PCDH15: variants seen among roughly 807,000 people sequenced by gnomAD.
The protein encoded by PCDH15 is protocadherin-15.
In PCDH15, 129 loss-of-function variants were observed where a neutral mutation model predicts 178.5. The observed-to-expected ratio is 0.72, with a 90% CI of 0.63 to 0.84. The LOEUF (loss-of-function observed/expected upper bound fraction) is 0.84, where lower values mean the gene tolerates loss of function less well. Among genes scored for constraint, PCDH15 ranks in the 40% least tolerant of loss-of-function variants. The pLI, the probability that PCDH15 is intolerant of heterozygous loss-of-function variation, is 0.00. For missense variants in PCDH15, 2,230 were observed against 2,099.9 expected (o/e 1.06, Z -1.21); for synonymous variants, 800 against 732.0 (o/e 1.09, Z -1.50).
chr10:54,065,014 G>T (rs1260658228), intron 18 of PCDH15, among the ~76,000 whole-genome samples: 2 of 152,196 alleles, frequency 1.3e-5, no homozygotes, highest in African/African-American at 4.8e-5. Flanking sequence ...TGTAGCTGGT[G>T]TCTTTGCAGT....
chr10:54,491,388 A>T (rs2079576889), intron 3 of PCDH15, among the ~76,000 whole-genome samples: 1 of 152,054 alleles, frequency 6.6e-6, no homozygotes, highest in African/African-American at 2.4e-5. Context: ...ACAGTTAACA[A>T]CTGGAAAATT....
At chr10:54,297,262 A>C (rs2059859637) in intron 8 of PCDH15, among the ~76,000 whole-genome samples, 1 of 152,128 alleles carries the variant, frequency 6.6e-6, no homozygotes, top group South Asian at 2.1e-4. Flanking sequence ...ATGCATCCTA[A>C]GCCATTGGGA....
chr10:54,661,053 C>G (rs1454852747), intron 2 of PCDH15, among the ~76,000 whole-genome samples: 1 of 151,856 alleles, frequency 6.6e-6, no homozygotes, highest in Non-Finnish European at 1.5e-5. Context: ...TCTCAGCAAT[C>G]AGGCAAGGAA....
rs111780006 is a variant in PCDH15 at position 54,034,955 on chromosome 10, G to A, written c.2221-11758C>T. Among the ~76,000 whole-genome samples the A allele has an allele frequency of 3.2e-3, 486 of 151,708 alleles. 2 individuals are homozygous for A. Among genetic ancestry groups the A allele is most frequent in the African/African-American group, 0.011 (460 of 41,418 alleles). On this transcript the variant is annotated intron_variant, in intron 18 of 37. Coordinates refer to ENST00000644397, the MANE Select transcript of PCDH15 (RefSeq NM_001384140.1). ...TTATTAACATCCTTTTTTCTTTCTG[G>A]TAAAGGTAAAATAAGCCAGATTGGA...
chr10:55,576,263 A>C (rs1842495634), intron 2 of PCDH15, among the ~76,000 whole-genome samples: 1 of 152,194 alleles, frequency 6.6e-6, no homozygotes. Context: ...AAATGTTACT[A>C]AGTAAATCAT....
intron 13 of PCDH15, among the ~76,000 whole-genome samples, chr10:54,169,006 C>A (rs917837337): frequency 2.6e-5 from 4 of 152,158 alleles, no homozygotes; most frequent in Non-Finnish European, 4.4e-5. Context: ...TCCTCCAGAA[C>A]CTCCTCCCAC....
At chr10:55,323,948 C>T (rs1358934863), upstream of PCDH15, among the ~76,000 whole-genome samples, 1 of 151,990 alleles carries the variant, frequency 6.6e-6, no homozygotes, top group Non-Finnish European at 1.5e-5. Context: ...AAGGATGGGG[C>T]CAGGTGGGGA....
intron 20 of PCDH15, among the ~76,000 whole-genome samples, chr10:54,013,571 G>A (rs1375674399): frequency 6.6e-6 from 1 of 151,916 alleles, no homozygotes; most frequent in East Asian, 1.9e-4. Flanking sequence ...CTCTGAACAT[G>A]GTGCAATAAA....
At position 55,486,406 on chromosome 10, in the gene PCDH15, C is replaced by G. The variant is rs552350470; in HGVS notation, c.-156+141219G>C. 3.3e-5 allele frequency among the ~76,000 whole-genome samples: 5 copies of G among 151,512 alleles called. No individual in the cohort carries two copies. The East Asian group carries it at 9.7e-4, about 30-fold the overall frequency. On this transcript the variant is annotated intron_variant, in intron 2 of 5. Coordinates refer to the PCDH15 transcript ENST00000613346. The stretch of plus-strand genomic sequence containing the variant: ...TTTTACATACAACATATGTATTCTT[C>G]AAATCAGAAATGCTTCAAACCATAG...
intron 3 of PCDH15, among the ~76,000 whole-genome samples, chr10:54,470,671 C>A (rs945167785): frequency 2.0e-5 from 3 of 152,086 alleles, no homozygotes; most frequent in Admixed American, 2.0e-4. Context: ...GAAATGTGGA[C>A]CACTGGGGAG....
intron 2 of PCDH15, among the ~76,000 whole-genome samples, chr10:54,948,029 C>A (rs1334653027): frequency 6.6e-6 from 1 of 151,868 alleles, no homozygotes; most frequent in Non-Finnish European, 1.5e-5. Flanking sequence ...ATTTGTGCAA[C>A]CAGGATGTAG....
intron 2 of PCDH15, chr10:55,575,748 T>G (rs1842484407): frequency 6.6e-6 from 1 of 152,196 alleles, no homozygotes; most frequent in Non-Finnish European, 1.5e-5. Context: ...TTTAATACTG[T>G]TAGACACTTG....
At chr10:55,536,981 G>T (rs1170111201) in intron 2 of PCDH15, among the ~76,000 whole-genome samples, 1 of 151,886 alleles carries the variant, frequency 6.6e-6, no homozygotes, top group Non-Finnish European at 1.5e-5. Flanking sequence ...TATAAATTTA[G>T]ATTTTTTTTC....
At chr10:55,475,371 T>C (rs113408640) in intron 2 of PCDH15, among the ~76,000 whole-genome samples, 5,368 of 152,248 alleles carry the variant, frequency 0.035, 148 homozygotes, top group Non-Finnish European at 0.056. Context: ...TTATTATTTA[T>C]CAAAACTTGC....
intron 2 of PCDH15, among the ~76,000 whole-genome samples, chr10:55,340,600 T>A (rs868523474): frequency 6.6e-6 from 1 of 152,060 alleles, no homozygotes; most frequent in Non-Finnish European, 1.5e-5. Context: ...ACAACAAATA[T>A]CTTATTTTTA....
At chr10:54,700,468 A>C (rs574165002) in intron 1 of PCDH15, among the ~76,000 whole-genome samples, 1 of 152,214 alleles carries the variant, frequency 6.6e-6, no homozygotes, top group South Asian at 2.1e-4. Flanking sequence ...TCTAAGGAAT[A>C]CAATACAACA....
chr10:54,851,443 C>T (rs917582618), intron 3 of PCDH15, among the ~76,000 whole-genome samples: 4 of 151,966 alleles, frequency 2.6e-5, no homozygotes, highest in African/African-American at 9.7e-5. Context: ...CTTGAGATAA[C>T]AGACAAAAGC....
intron 2 of PCDH15, among the ~76,000 whole-genome samples, chr10:55,519,646 A>C (rs930795840): frequency 3.9e-5 from 6 of 152,214 alleles, no homozygotes; most frequent in African/African-American, 1.2e-4. Flanking sequence ...AGAAAAAATA[A>C]AAGTACATTT....
At chr10:55,258,758 C>CTTTTTT (rs11398382) in intron 1 of PCDH15, among the ~76,000 whole-genome samples, 1 of 108,154 alleles carries the variant, frequency 9.2e-6, no homozygotes, top group Non-Finnish European at 1.8e-5. Flanking sequence ...TGTTTGTCTG[C>CTTTTTT]TTTTTTTTTT....
Sources: gnomAD v4.1 joint callset for allele counts (sites outside exome capture counted in the v4.1 genomes callset) on GRCh38, gnomAD v4.1.1 for gene constraint, MANE v1.5 for transcripts, NCBI Gene and HGNC (gene_info 2026-07-23, HGNC 2026-07-21) for gene names.